The following CLOCK variants were observed in gnomAD, a reference collection of about 807,000 sequenced individuals.
CLOCK encodes circadian locomoter output cycles protein kaput.
In CLOCK, 43 loss-of-function variants were observed where a neutral mutation model predicts 118.4. That is an observed-to-expected ratio of 0.36 (90% confidence interval 0.28 to 0.47). The LOEUF (loss-of-function observed/expected upper bound fraction) is 0.47. Ranked by LOEUF, CLOCK falls within the 20% of genes least tolerant of loss-of-function variation. The probability of loss-of-function intolerance (pLI) is 1.00; values close to 1 mark genes in which losing one functional copy is unlikely to be tolerated. For missense variants in CLOCK, 846 were observed against 999.9 expected, an observed-to-expected ratio of 0.85 and a Z score of 2.08; for synonymous variants, 326 against 339.2, an observed-to-expected ratio of 0.96 and a Z score of 0.43.
chr4:55,534,658 C>T (rs1730766518), intron 1 of CLOCK, among the ~76,000 whole-genome samples: 1 of 152,162 alleles, frequency 6.6e-6, no homozygotes, highest in African/African-American at 2.4e-5. Flanking sequence ...GAAGGCAGGG[C>T]TTTGTTCCCC....
intron 7 of CLOCK, among the ~76,000 whole-genome samples, chr4:55,471,742 A>G (rs1726155541): frequency 6.6e-6 from 1 of 152,226 alleles, no homozygotes; most frequent in Non-Finnish European, 1.5e-5. Context: ...AGAATTATCT[A>G]CATATAAGGG....
At chr4:55,451,789 G>GATA (rs1297646048) in intron 15 of CLOCK, among the ~76,000 whole-genome samples, 2 of 152,192 alleles carry the variant, frequency 1.3e-5, no homozygotes, top group Non-Finnish European at 2.9e-5. Context: ...AACATACTAT[G>GATA]TCCTCTTCTT....
At chr4:55,506,279 T>C (rs1728791002) in intron 2 of CLOCK, among the ~76,000 whole-genome samples, 1 of 152,002 alleles carries the variant, frequency 6.6e-6, no homozygotes, top group Non-Finnish European at 1.5e-5. Context: ...AACTCCTAGG[T>C]TCAAATGATC....
chr4:55,513,678 T>C lies in CLOCK; in HGVS notation c.-289-3613A>G, dbSNP rs1459138666. Among the ~76,000 whole-genome samples, 4 of 152,268 alleles carry C rather than the reference T, an allele frequency of 2.6e-5. No homozygotes were observed. In the East Asian group the frequency reaches 7.7e-4, roughly 29 times the overall value. On this transcript the variant is annotated intron_variant, in intron 1 of 22. Coordinates refer to ENST00000513440, the MANE Select transcript of CLOCK (RefSeq NM_004898.4). ...AAACTTATTGGAATCAGTTTGTTAA[T>C]ATCTACAACAAACTGCAATTTTGAC...
chr4:55,463,854 C>A (rs1038890551), intron 8 of CLOCK, 49 bp from the exon 9 acceptor site: 7 of 1,557,498 alleles, frequency 4.5e-6, no homozygotes, highest in Non-Finnish European at 6.1e-6. Context: ...ATTCAAGAGA[C>A]AATTGCTTTA....
At chr4:55,514,791 G>T (rs1313472907) in intron 1 of CLOCK, among the ~76,000 whole-genome samples, 7 of 152,040 alleles carry the variant, frequency 4.6e-5, no homozygotes, top group Non-Finnish European at 8.8e-5. Flanking sequence ...CTAATATTTT[G>T]TTGGGGATTT....
intron 5 of CLOCK, among the ~76,000 whole-genome samples, chr4:55,479,281 T>A (rs538923679): frequency 7.2e-5 from 11 of 152,258 alleles, no homozygotes; most frequent in Admixed American, 2.0e-4. Flanking sequence ...TTATTATAAA[T>A]ATATGTACTA....
At chr4:55,449,772 C>T (rs1447532115) in intron 16 of CLOCK, among the ~76,000 whole-genome samples, 1 of 151,932 alleles carries the variant, frequency 6.6e-6, no homozygotes, top group African/African-American at 2.4e-5. Flanking sequence ...CAATAAAAAA[C>T]TTTCAAAAAG....
intron 18 of CLOCK, among the ~76,000 whole-genome samples, chr4:55,445,081 A>T (rs17721497): frequency 0.23 from 32,845 of 143,350 alleles, 5,552 homozygotes; most frequent in South Asian, 0.39. Context: ...TCTTGCTCTT[A>T]TGTCAGGGTG....
chr4:55,531,288 C>G (rs751479997), intron 1 of CLOCK, among the ~76,000 whole-genome samples: 1 of 151,940 alleles, frequency 6.6e-6, no homozygotes, highest in African/African-American at 2.4e-5. Context: ...GCTAAATCCT[C>G]ATCTTTCTTA....
At chr4:55,507,535 C>T (rs1266126246) in intron 2 of CLOCK, among the ~76,000 whole-genome samples, 1 of 151,948 alleles carries the variant, frequency 6.6e-6, no homozygotes, top group Admixed American at 6.6e-5. Flanking sequence ...ATCACTTGAA[C>T]CCAGGAGGTG....
chr4:55,453,817 T>C lies in CLOCK; in HGVS notation c.990A>G (p.Gln330=). The change falls in exon 14 of 23, where the codon CAA becomes CAG. Residue 330 remains glutamine (Q), a synonymous_variant. Coordinates refer to ENST00000513440, the MANE Select transcript of CLOCK (RefSeq NM_004898.4). ...NLAKCHEHLM[Q]YGKGKSCYYR... is the part of the protein sequence containing the mutation. ...AATAACATGATTTGCCTTTCCCATATTGCATTACTAAAAGGAAAATAGAGA... is the reference window on the plus strand; with the variant it reads ...AATAACATGATTTGCCTTTCCCATACTGCATTACTAAAAGGAAAATAGAGA... The C allele has an allele frequency of 2.5e-6, 4 of 1,603,100 alleles. No individual in the cohort carries two copies. Among genetic ancestry groups the C allele is most frequent in the Non-Finnish European group, 3.4e-6 (4 of 1,174,122 alleles).
intron 15 of CLOCK, among the ~76,000 whole-genome samples, chr4:55,451,987 A>T (rs1392876929): frequency 6.6e-6 from 1 of 152,064 alleles, no homozygotes; most frequent in Non-Finnish European, 1.5e-5. Context: ...TGCCTATTTA[A>T]CTCAAGTTTT....
At chr4:55,545,307 G>A (rs1731540369) in intron 1 of CLOCK, 1 of 151,988 alleles carries the variant, frequency 6.6e-6, no homozygotes, top group African/African-American at 2.4e-5. Context: ...GTGTCCCAAG[G>A]GATAAGTTTC....
chr4:55,531,091 G>A (rs567889933), intron 1 of CLOCK, among the ~76,000 whole-genome samples: 61 of 152,178 alleles, frequency 4.0e-4, no homozygotes, highest in African/African-American at 1.4e-3. Context: ...ACAAACTGTG[G>A]GAGGAAAAGA....
chr4:55,463,625 C>CA (rs1725525479), intron 9 of CLOCK, 60 bp downstream of exon 9: 1 of 1,585,412 alleles, frequency 6.3e-7, no homozygotes, highest in East Asian at 2.3e-5. Flanking sequence ...CATAAACTTG[C>CA]AAAAGGATAG....
chr4:55,449,401 T>A lies in CLOCK; in HGVS notation c.1444A>T (p.Ser482Cys). 4 of 1,612,944 alleles carry A rather than the reference T, an allele frequency of 2.5e-6. No homozygotes were observed. The highest frequency in any genetic ancestry group is 3.4e-6 in the Non-Finnish European group (4 of 1,178,954). Residue 482 changes from serine (S) to cysteine (C), a missense_variant, in exon 17 of 23, where the codon AGT becomes TGT. Ser to Cys is a moderately radical substitution (Grantham distance 112). This residue lies in a region of CLOCK where 520 missense variants were observed against 558.0 expected (regional missense o/e 0.93). Transcript: ENST00000513440. ...KMVQRRSSFSSQSINSQSVGS... is the reference protein window; with the variant it reads ...KMVQRRSSFSCQSINSQSVGS... ...ATATCCACTAAAGAGCTTACCTGACTACTAAATGATGACCTTCTTTGCACC... is the reference window on the plus strand; with the variant it reads ...ATATCCACTAAAGAGCTTACCTGACAACTAAATGATGACCTTCTTTGCACC...
intron 2 of CLOCK, among the ~76,000 whole-genome samples, chr4:55,492,925 A>G (rs749353655): frequency 7.2e-5 from 11 of 152,236 alleles, no homozygotes; most frequent in East Asian, 1.9e-4. Flanking sequence ...GCATGAAAAT[A>G]TATCAGACAT....
At chr4:55,458,867 T>C in intron 11 of CLOCK, 25 bp downstream of exon 11, 1 of 1,532,790 alleles carries the variant, frequency 6.5e-7, no homozygotes, top group Non-Finnish European at 9.0e-7. Flanking sequence ...GAAATCCCCT[T>C]TGGGAAATAA....
Sources: allele counts gnomAD v4.1 joint callset (sites outside exome capture counted in the v4.1 genomes callset), GRCh38; gene constraint gnomAD v4.1.1; regional missense constraint gnomAD v4.1.1; transcripts MANE v1.5; gene names NCBI Gene and HGNC (gene_info 2026-07-23, HGNC 2026-07-21).